Variants in MAP1B observed in about 807,000 individuals in gnomAD.
The protein encoded by MAP1B is microtubule-associated protein 1B.
A neutral mutation model predicts 176.1 loss-of-function variants in MAP1B; 12 were observed. That is an observed-to-expected ratio of 0.07 (90% CI 0.04 to 0.11). The LOEUF (loss-of-function observed/expected upper bound fraction) is 0.11, where lower values mean the gene tolerates loss of function less well. Among genes scored for constraint, MAP1B ranks in the 10% least tolerant of loss-of-function variants. The probability of loss-of-function intolerance (pLI) is 1.00; values close to 1 mark genes in which losing one functional copy is unlikely to be tolerated. For missense variants in MAP1B, 2,523 were observed against 2,990.5 expected, an observed-to-expected ratio of 0.84 and a Z score of 3.65; for synonymous variants, 1,044 against 1,135.0, an observed-to-expected ratio of 0.92 and a Z score of 1.61.
At chr5:72,203,858 G>T in intron 6 of MAP1B, 57 bp downstream of exon 6, 3 of 1,529,548 alleles carry the variant, frequency 2.0e-6, no homozygotes, top group South Asian at 1.1e-5. Context: ...AGAGGCAATG[G>T]GAAGGAACCA....
intron 2 of MAP1B, chr5:72,179,547 G>T (rs1409848869): frequency 1.9e-5 from 17 of 904,390 alleles, no homozygotes; most frequent in Non-Finnish European, 2.2e-5. Context: ...CTGAGAACCC[G>T]CCCGCCTGCC....
intron 4 of MAP1B, among the ~76,000 whole-genome samples, chr5:72,187,482 T>A (rs1461043391): frequency 6.6e-6 from 1 of 152,198 alleles, no homozygotes; most frequent in Admixed American, 6.5e-5. Context: ...TTTATCTAGC[T>A]TACATGTTTA....
rs1376461532 is a variant in MAP1B, at chr5:72,196,734, T to A, written c.3379T>A (p.Ser1127Thr). 6.2e-7 allele frequency: 1 copy of A among 1,614,142 alleles called. No individual in the cohort carries two copies. The highest frequency in any genetic ancestry group is 8.5e-7 in the Non-Finnish European group (1 of 1,180,038). ...SGYTQSTIEISSEPTPMDEMS... is the reference protein window; with the variant it reads ...SGYTQSTIEITSEPTPMDEMS... ...CTACACTCAGTCTACTATTGAGATA[T>A]CCAGTGAGCCCACCCCCATGGATGA... The change falls in exon 5 of 7, where the codon TCC becomes ACC. Residue 1127 changes from serine to threonine, a missense_variant. Coordinates refer to ENST00000296755, the MANE Select transcript of MAP1B (RefSeq NM_005909.5). The surrounding 1 kb of genome is among the most constrained non-coding windows in gnomAD (Gnocchi z 5.3).
intron 4 of MAP1B, among the ~76,000 whole-genome samples, chr5:72,193,532 G>T (rs2112230463): frequency 6.6e-6 from 1 of 152,216 alleles, no homozygotes; most frequent in Admixed American, 6.5e-5. Flanking sequence ...AGTTGCCCAG[G>T]TGGTCACTGG....
In MAP1B at chr5:72,204,933, T is replaced by G. The variant is rs775634542; in HGVS notation, c.7252-151T>G. The G allele has an allele frequency of 2.0e-5, 11 of 552,574 alleles. No individual in the cohort carries two copies. Among genetic ancestry groups the G allele is most frequent in the Non-Finnish European group, 3.1e-5 (10 of 321,682 alleles). The allele number at this position is 552,574 out of a possible 1,614,324, so 34.2% of individuals were successfully genotyped here. The stretch of plus-strand genomic sequence containing the variant: ...ATTCTGGTTCCTGGAAAATATACAT[T>G]GAAAAATCCTTTGCATTTCTTGAGG... On this transcript the variant is annotated intron_variant, in intron 6 of 6. Transcript: ENST00000296755. The surrounding 1 kb of genome is among the most constrained non-coding windows in gnomAD (Gnocchi z 4.4).
chr5:72,161,147 A>G (rs1746317871), intron 2 of MAP1B, among the ~76,000 whole-genome samples: 1 of 152,194 alleles, frequency 6.6e-6, no homozygotes, highest in African/African-American at 2.4e-5. Context: ...TGTTTGACTC[A>G]GTGGTACTCA....
At chr5:72,128,317 A>G (rs1195287071) in intron 2 of MAP1B, among the ~76,000 whole-genome samples, 1 of 152,122 alleles carries the variant, frequency 6.6e-6, no homozygotes, top group African/African-American at 2.4e-5. Flanking sequence ...TGTCCTCAAT[A>G]CTAATATGAT....
intron 2 of MAP1B, among the ~76,000 whole-genome samples, chr5:72,173,668 A>G (rs542585808): frequency 6.6e-6 from 1 of 152,346 alleles, no homozygotes; most frequent in African/African-American, 2.4e-5. Flanking sequence ...TCCCAGATCC[A>G]TATCTCAAAT....
Position 72,199,255 on chromosome 5 carries a change from C to G in MAP1B, c.5900C>G (p.Pro1967Arg), listed in dbSNP as rs1391949659. Residue 1967 changes from proline to arginine, a missense_variant, in exon 5 of 7, where the codon CCC (proline) becomes CGC (arginine). Physicochemically the swap from Pro to Arg is moderately radical, Grantham distance 103. This residue lies in a region of MAP1B where 1,925 missense variants were observed against 2,126.0 expected (regional missense o/e 0.91). Transcript: ENST00000296755. The surrounding 1 kb of genome is among the most constrained non-coding windows in gnomAD (Gnocchi z 4.2). ...ATAAGTGAAAAGACCACCAGCCCCCCCGAAGTGAGTGGTTACAGCTATGAA... is the reference window on the plus strand; with the variant it reads ...ATAAGTGAAAAGACCACCAGCCCCCGCGAAGTGAGTGGTTACAGCTATGAA... ...YDISEKTTSP[P>R]EVSGYSYEKT... The G allele has an allele frequency of 2.5e-6, 4 of 1,613,980 alleles. No homozygotes were observed. The African/African-American group carries it at 4.0e-5, about 16-fold the overall frequency.
intron 2 of MAP1B, among the ~76,000 whole-genome samples, chr5:72,182,023 CTTTT>C (rs34251206): frequency 3.2e-5 from 3 of 94,756 alleles, no homozygotes; most frequent in African/African-American, 1.4e-4. Context: ...CGCACCTGGC[CTTTT>C]TTTTTTTTTT....
At chr5:72,127,793 G>T (rs184900105) in intron 2 of MAP1B, among the ~76,000 whole-genome samples, 2 of 151,966 alleles carry the variant, frequency 1.3e-5, no homozygotes, top group African/African-American at 4.8e-5. Flanking sequence ...ATAATCCCTC[G>T]TGGGATTATT....
At chr5:72,189,443 G>A (rs967473727) in intron 4 of MAP1B, among the ~76,000 whole-genome samples, 1 of 152,172 alleles carries the variant, frequency 6.6e-6, no homozygotes, top group Non-Finnish European at 1.5e-5. Context: ...CAACACTGCC[G>A]ATTTTTTCCC....
chr5:72,119,580 T>C (rs1192943855), intron 2 of MAP1B, among the ~76,000 whole-genome samples: 1 of 152,218 alleles, frequency 6.6e-6, no homozygotes, highest in African/African-American at 2.4e-5. Context: ...CAATCTTGGC[T>C]CACTGCAACC....
At chr5:72,123,391 C>G (rs1010382658) in intron 2 of MAP1B, among the ~76,000 whole-genome samples, 4 of 152,136 alleles carry the variant, frequency 2.6e-5, no homozygotes, top group African/African-American at 9.7e-5. Flanking sequence ...GCAGTCTCTG[C>G]CTCCTGGGAT....
At chr5:72,152,200 T>A (rs1579996862) in intron 2 of MAP1B, among the ~76,000 whole-genome samples, 1 of 152,236 alleles carries the variant, frequency 6.6e-6, no homozygotes, top group East Asian at 1.9e-4. Flanking sequence ...TAAATTATCC[T>A]ATCTATGGAT....
chr5:72,184,030 A>G (rs745865592), intron 3 of MAP1B, among the ~76,000 whole-genome samples: 1 of 152,182 alleles, frequency 6.6e-6, no homozygotes, highest in Non-Finnish European at 1.5e-5. Context: ...AAGGACAAAG[A>G]AGAAGATAGT....
At chr5:72,161,972 AAAAAG>A (rs1238755295) in intron 2 of MAP1B, among the ~76,000 whole-genome samples, 6 of 150,170 alleles carry the variant, frequency 4.0e-5, no homozygotes, top group Admixed American at 1.3e-4. Context: ...AAAAAAAAAA[AAAAAG>A]AAAGAAAGAA....
intron 1 of MAP1B, among the ~76,000 whole-genome samples, chr5:72,113,299 C>T (rs1328804895): frequency 1.3e-5 from 2 of 152,044 alleles, no homozygotes; most frequent in African/African-American, 2.4e-5. Flanking sequence ...TGCTAAGAAA[C>T]AATTTGGGTG....
intron 3 of MAP1B, among the ~76,000 whole-genome samples, chr5:72,185,402 T>C (rs776147660): frequency 3.9e-5 from 6 of 152,134 alleles, no homozygotes; most frequent in Admixed American, 1.3e-4. Context: ...AATTACAGCC[T>C]GGGCAACATG....
Sources: allele counts gnomAD v4.1 joint callset (sites outside exome capture counted in the v4.1 genomes callset), GRCh38; gene constraint gnomAD v4.1.1; regional missense constraint gnomAD v4.1.1; non-coding constraint Gnocchi (gnomAD v3.1); transcripts MANE v1.5; gene names NCBI Gene and HGNC (gene_info 2026-07-23, HGNC 2026-07-21).